FUT8: variants seen among roughly 807,000 people sequenced by gnomAD.
The protein encoded by FUT8 is fucosyltransferase 8.
A neutral mutation model predicts 71.3 loss-of-function variants in FUT8; 29 were observed. The observed-to-expected ratio is 0.41, with a 90% CI of 0.30 to 0.55. The LOEUF is 0.55. Among genes scored for constraint, FUT8 ranks in the 20% least tolerant of loss-of-function variants. The pLI is 0.34. For synonymous variants in FUT8, 254 were observed against 239.3 expected (o/e 1.06, Z -0.57); for missense variants, 544 against 702.1 (o/e 0.77, Z 2.55).
intron 7 of FUT8, among the ~76,000 whole-genome samples, chr14:65,696,231 T>G (rs1336372657): frequency 6.6e-6 from 1 of 152,182 alleles, no homozygotes; most frequent in Non-Finnish European, 1.5e-5. Context: ...TAATTTTCCT[T>G]CTCTCTGAAG....
intron 2 of FUT8, chr14:65,458,302 A>G (rs1459669575): frequency 1.3e-5 from 2 of 152,208 alleles, no homozygotes; most frequent in Non-Finnish European, 2.9e-5. Flanking sequence ...GTCAAGCCTC[A>G]TATAGGTAGC....
At chr14:65,403,199 T>C in the FUT8 span, among the ~76,000 whole-genome samples, 2 of 152,192 alleles carry the variant, frequency 1.3e-5, no homozygotes, top group Admixed American at 1.3e-4. Flanking sequence ...TTCTTAGGAG[T>C]ATTATATGTA....
chr14:65,577,231 T>A lies in FUT8; in HGVS notation c.203+15465T>A, dbSNP rs548230924. Among the ~76,000 whole-genome samples the A allele has an allele frequency of 5.3e-5, 8 of 152,280 alleles. No homozygotes were observed. The East Asian group carries it at 1.5e-3, about 29-fold the overall frequency. ...ATATGTTCAGTTATTCTAATGTGTT[T>A]GTGTCTCTGCCTCCTAAGAGGCACC... On this transcript the variant is annotated intron_variant, in intron 3 of 10. Coordinates refer to ENST00000673929, the MANE Select transcript of FUT8 (RefSeq NM_001371533.1).
chr14:65,589,377 A>G (rs943569919), intron 3 of FUT8, among the ~76,000 whole-genome samples: 4 of 150,596 alleles, frequency 2.7e-5, no homozygotes, highest in African/African-American at 9.8e-5. Context: ...AGAGAACACC[A>G]TGGCACTTCC....
chr14:65,433,508 A>C (rs753438383), intron 1 of FUT8, among the ~76,000 whole-genome samples: 14 of 152,142 alleles, frequency 9.2e-5, no homozygotes, highest in Admixed American at 5.9e-4. Flanking sequence ...CTTTCTTCAG[A>C]TATTGATTAA....
In FUT8 at chr14:65,556,573, G is replaced by C. The variant is rs12432032; in HGVS notation, c.-227-4764G>C. Among the ~76,000 whole-genome samples the C allele has an allele frequency of 5.7e-3, 875 of 152,206 alleles. 31 individuals are homozygous for C. The East Asian group carries it at 0.093, about 16-fold the overall frequency. ...TCCAGTCTTTTGTAACCTTATCTTG[G>C]AAATGAAATTCTGTCACTTTTACTG... On this transcript the variant is annotated intron_variant, in intron 2 of 10. Coordinates refer to ENST00000673929, the MANE Select transcript of FUT8 (RefSeq NM_001371533.1).
At chr14:65,490,677 A>G (rs944943194) in intron 2 of FUT8, among the ~76,000 whole-genome samples, 5 of 152,144 alleles carry the variant, frequency 3.3e-5, no homozygotes, top group African/African-American at 7.2e-5. Context: ...CTAAATACAC[A>G]TCTATGTCAC....
intron 6 of FUT8, among the ~76,000 whole-genome samples, chr14:65,632,168 G>A (rs868053133): frequency 2.0e-5 from 3 of 152,102 alleles, no homozygotes; most frequent in South Asian, 4.1e-4. Context: ...TTGCATTTGC[G>A]AACTGTGCTG....
At chr14:65,381,032 G>C in the FUT8 span, among the ~76,000 whole-genome samples, 24 of 152,346 alleles carry the variant, frequency 1.6e-4, no homozygotes, top group African/African-American at 5.8e-4. Flanking sequence ...AGGTGGCACA[G>C]TCCTAGCCCT....
intron 2 of FUT8, among the ~76,000 whole-genome samples, chr14:65,485,090 AC>A (rs1329162337): frequency 6.6e-6 from 1 of 151,988 alleles, no homozygotes; most frequent in Non-Finnish European, 1.5e-5. Flanking sequence ...TAATTCCAGC[AC>A]TTTGGGAGTC....
intron 2 of FUT8, among the ~76,000 whole-genome samples, chr14:65,549,300 G>A (rs193041905): frequency 2.0e-5 from 3 of 150,956 alleles, no homozygotes; most frequent in African/African-American, 7.3e-5. Flanking sequence ...GAATAACAAA[G>A]TGTAGTTTTG....
At chr14:65,597,394 C>T (rs538472833) in intron 3 of FUT8, among the ~76,000 whole-genome samples, 46 of 151,366 alleles carry the variant, frequency 3.0e-4, no homozygotes, top group African/African-American at 9.5e-4. Context: ...TTTGGGAGGC[C>T]GAGGCGGGTG....
chr14:65,640,591 A>G (rs978787133), intron 6 of FUT8, among the ~76,000 whole-genome samples: 1 of 152,116 alleles, frequency 6.6e-6, no homozygotes, highest in Non-Finnish European at 1.5e-5. Context: ...AGAACTTGGA[A>G]GAATAACATC....
intron 1 of FUT8, among the ~76,000 whole-genome samples, chr14:65,415,315 A>G (rs1239777280): frequency 6.6e-6 from 1 of 152,222 alleles, no homozygotes; most frequent in Non-Finnish European, 1.5e-5. Context: ...GGGCATATAT[A>G]TGTACATAGT....
chr14:65,514,567 C>T lies in FUT8; in HGVS notation c.-227-46770C>T, dbSNP rs376047173. ...GCTACAGAAAGTCCATCTTATCTATCATTGTTGACCTTTGGATCACAGCTA... is the reference window on the plus strand; with the variant it reads ...GCTACAGAAAGTCCATCTTATCTATTATTGTTGACCTTTGGATCACAGCTA... On this transcript the variant is annotated intron_variant, in intron 2 of 10. Transcript: ENST00000673929. Among the ~76,000 whole-genome samples, 6 of 152,200 alleles carry T rather than the reference C, an allele frequency of 3.9e-5. No individual in the cohort carries two copies. The East Asian group carries it at 1.2e-3, about 29-fold the overall frequency.
At chr14:65,621,495 G>A (rs1377909521) in intron 5 of FUT8, among the ~76,000 whole-genome samples, 2 of 151,988 alleles carry the variant, frequency 1.3e-5, no homozygotes, top group Admixed American at 6.5e-5. Flanking sequence ...TGATCTGCCC[G>A]CCTTGGCCCG....
At chr14:65,657,230 T>A (rs1389737054) in intron 6 of FUT8, among the ~76,000 whole-genome samples, 1 of 152,166 alleles carries the variant, frequency 6.6e-6, no homozygotes, top group African/African-American at 2.4e-5. Flanking sequence ...ACACACAGAA[T>A]GTAAATTAGT....
chr14:65,482,098 C>T (rs949139677), intron 2 of FUT8, among the ~76,000 whole-genome samples: 5 of 152,040 alleles, frequency 3.3e-5, no homozygotes, highest in Admixed American at 1.3e-4. Flanking sequence ...AAGTTCTCTC[C>T]TGGAAGTTTT....
rs1447272927 is a variant in FUT8, at chr14:65,420,268, C to T, written c.-326+7054C>T. Among the ~76,000 whole-genome samples, 4 of 152,116 alleles carry T rather than the reference C, an allele frequency of 2.6e-5. No homozygotes were observed. The East Asian group carries it at 7.7e-4, about 29-fold the overall frequency. Reference sequence around the variant, plus strand: ...CTAGATAACAAAGAAAAGAACACATCCTTTTTTTATTTTTATTTTTTATTT... The same window carrying T: ...CTAGATAACAAAGAAAAGAACACATTCTTTTTTTATTTTTATTTTTTATTT... On this transcript the variant is annotated intron_variant, in intron 1 of 10. Transcript: ENST00000673929.
Sources: gnomAD v4.1 joint callset for allele counts (sites outside exome capture counted in the v4.1 genomes callset) on GRCh38, gnomAD v4.1.1 for gene constraint, MANE v1.5 for transcripts, NCBI Gene and HGNC (gene_info 2026-07-23, HGNC 2026-07-21) for gene names.